The following CDK19 variants were observed in gnomAD, a reference collection of about 807,000 sequenced individuals.
CDK19 encodes the protein cyclin dependent kinase 19.
Under a neutral mutation model 68.3 loss-of-function variants are expected in CDK19, and 20 were observed. The ratio of observed to expected loss-of-function variants is 0.29; its 90% CI spans 0.21 to 0.43. The LOEUF is 0.43. Ranked by LOEUF, CDK19 falls within the 20% of genes least tolerant of loss-of-function variation. CDK19 has a pLI of 1.00. For synonymous variants in CDK19, 221 were observed against 222.8 expected (o/e 0.99, Z 0.07); for missense variants, 339 against 623.5 (o/e 0.54, Z 4.86).
intron 4 of CDK19, among the ~76,000 whole-genome samples, chr6:110,655,077 T>A (rs2114301874): frequency 6.6e-6 from 1 of 151,846 alleles, no homozygotes. Context: ...GTTTCAAAAA[T>A]CCTCGATAGG....
intron 4 of CDK19, among the ~76,000 whole-genome samples, chr6:110,654,665 G>A (rs778746539): frequency 4.6e-5 from 7 of 152,236 alleles, no homozygotes; most frequent in Admixed American, 6.5e-5. Context: ...AGATGGCTGC[G>A]TGCAGTGGCT....
At chr6:110,711,440 A>G (rs567196225) in intron 2 of CDK19, among the ~76,000 whole-genome samples, 17 of 152,242 alleles carry the variant, frequency 1.1e-4, no homozygotes, top group Non-Finnish European at 1.9e-4. Context: ...ACCAGGATCA[A>G]CAAATGTACT....
chr6:110,622,926 C>T lies in CDK19; in HGVS notation c.934-14G>A, dbSNP rs1373321839. On this transcript the variant is annotated splice_polypyrimidine_tract_variant and intron_variant, in intron 9 of 12. Coordinates refer to ENST00000368911, the MANE Select transcript of CDK19 (RefSeq NM_015076.5). ...GAGTTTCTGAAGCTAGAGTGACACA[C>T]AGGAAATGTACAGCACATGAAAAGG... The T allele has an allele frequency of 8.0e-6, 12 of 1,504,390 alleles. No individual in the cohort carries two copies. The highest frequency in any genetic ancestry group is 3.3e-5 in the Admixed American group (2 of 59,902). 93.2% of individuals were successfully genotyped at this position (1,504,390 alleles called of 1,614,324 possible). A position where few individuals can be genotyped will look rare whatever the true frequency, so the allele number is the denominator to read the frequency against.
intron 1 of CDK19, among the ~76,000 whole-genome samples, chr6:110,794,039 GT>G (rs1224705996): frequency 6.6e-6 from 1 of 151,982 alleles, no homozygotes; most frequent in African/African-American, 2.4e-5. Context: ...GTTCTTCCCA[GT>G]TTTTTTGTTT....
At chr6:110,770,731 G>A (rs1779957803) in intron 1 of CDK19, among the ~76,000 whole-genome samples, 1 of 152,150 alleles carries the variant, frequency 6.6e-6, no homozygotes, top group African/African-American at 2.4e-5. Flanking sequence ...TCCAAGACAA[G>A]GTAAGTCCCT....
chr6:110,669,043 A>T (rs1465621814), intron 3 of CDK19, among the ~76,000 whole-genome samples: 8 of 152,212 alleles, frequency 5.3e-5, no homozygotes, highest in Admixed American at 5.2e-4. Context: ...AATGTACAAC[A>T]TCATCTTCTT....
chr6:110,761,495 G>A (rs1779228022), intron 1 of CDK19, among the ~76,000 whole-genome samples: 1 of 152,152 alleles, frequency 6.6e-6, no homozygotes, highest in Non-Finnish European at 1.5e-5. Flanking sequence ...AATGGGTGAT[G>A]GTGATACCAT....
intron 1 of CDK19, among the ~76,000 whole-genome samples, chr6:110,809,212 C>CA (rs1274348322): frequency 5.2e-3 from 534 of 102,384 alleles, no homozygotes; most frequent in South Asian, 8.1e-3. Context: ...GACTCCATCT[C>CA]AAAAAAAAAA....
chr6:110,728,495 CAG>C (rs1221223295), intron 2 of CDK19, among the ~76,000 whole-genome samples: 1 of 151,842 alleles, frequency 6.6e-6, no homozygotes, highest in Non-Finnish European at 1.5e-5. Flanking sequence ...CTGATTGCTG[CAG>C]AGGTTTTCTA....
At chr6:110,742,004 A>G (rs1777714136) in intron 2 of CDK19, among the ~76,000 whole-genome samples, 2 of 152,228 alleles carry the variant, frequency 1.3e-5, no homozygotes, top group Non-Finnish European at 2.9e-5. Flanking sequence ...CACCAGTAAA[A>G]ATAATGACAT....
At chr6:110,715,858 T>G (rs142120388) in intron 2 of CDK19, among the ~76,000 whole-genome samples, 28 of 152,340 alleles carry the variant, frequency 1.8e-4, no homozygotes, top group Non-Finnish European at 3.2e-4. Flanking sequence ...AGTTTGCATT[T>G]CAAAACATTT....
At chr6:110,645,887 C>A in intron 4 of CDK19, 1 of 751,192 alleles carries the variant, frequency 1.3e-6, no homozygotes, top group Non-Finnish European at 2.2e-6. Context: ...ACGAAAACAG[C>A]GGCGACTCAG....
At chr6:110,636,294 A>G (rs1206749460) in intron 5 of CDK19, among the ~76,000 whole-genome samples, 1 of 152,258 alleles carries the variant, frequency 6.6e-6, no homozygotes, top group Non-Finnish European at 1.5e-5. Flanking sequence ...TGGTATCAAG[A>G]TCTTAGAATC....
At chr6:110,638,025 C>A (rs1378997856) in intron 5 of CDK19, among the ~76,000 whole-genome samples, 5 of 151,976 alleles carry the variant, frequency 3.3e-5, no homozygotes, top group African/African-American at 1.2e-4. Flanking sequence ...CTCATCTTCT[C>A]CCCAAATATG....
chr6:110,703,342 TATTA>T (rs1774169387), intron 2 of CDK19, among the ~76,000 whole-genome samples: 1 of 152,148 alleles, frequency 6.6e-6, no homozygotes, highest in African/African-American at 2.4e-5. Flanking sequence ...TAGGGAAATA[TATTA>T]ATTATGTTAT....
intron 2 of CDK19, among the ~76,000 whole-genome samples, chr6:110,690,136 T>C (rs1220211470): frequency 1.3e-5 from 2 of 152,092 alleles, no homozygotes; most frequent in African/African-American, 4.8e-5. Context: ...TGCAGACAGT[T>C]AGGGCTTCCC....
intron 2 of CDK19, among the ~76,000 whole-genome samples, chr6:110,682,735 G>C (rs139104140): frequency 1.3e-5 from 2 of 152,282 alleles, no homozygotes; most frequent in East Asian, 1.9e-4. Flanking sequence ...TAGAATCAGA[G>C]GCTGAGTTTG....
In CDK19 at chr6:110,623,372, C is replaced by T; in HGVS notation, c.861-10G>A. 6.2e-7 allele frequency: 1 copy of T among 1,612,602 alleles called. No individual in the cohort carries two copies. Among genetic ancestry groups the T allele is most frequent in the Non-Finnish European group, 8.5e-7 (1 of 1,179,150 alleles). Reference sequence around the variant, plus strand: ...GCTACTGTTGGCATACCTGCAAGGACACGCACAGTCACACATCACTGGGAA... The same window carrying T: ...GCTACTGTTGGCATACCTGCAAGGATACGCACAGTCACACATCACTGGGAA... On this transcript the variant is annotated splice_polypyrimidine_tract_variant and intron_variant, in intron 8 of 12. Transcript: ENST00000368911.
At chr6:110,746,091 T>C (rs1778057530) in intron 2 of CDK19, 35 bp downstream of exon 2, 6 of 1,109,434 alleles carry the variant, frequency 5.4e-6, no homozygotes, top group Non-Finnish European at 7.8e-6. Flanking sequence ...CCAATATCAA[T>C]AATAAAATAA....
Sources: allele counts gnomAD v4.1 joint callset (sites outside exome capture counted in the v4.1 genomes callset), GRCh38; gene constraint gnomAD v4.1.1; transcripts MANE v1.5; gene names NCBI Gene and HGNC (gene_info 2026-07-23, HGNC 2026-07-21).